Variants in ZNF106 observed in about 807,000 individuals in gnomAD.
ZNF106 encodes the protein zinc finger protein 106.
Under a neutral mutation model 195.1 loss-of-function variants are expected in ZNF106, and 67 were observed. The ratio of observed to expected loss-of-function variants is 0.34; its 90% CI spans 0.28 to 0.42. ZNF106 has a LOEUF of 0.42. Among genes scored for constraint, ZNF106 ranks in the 10% least tolerant of loss-of-function variants. ZNF106 has a pLI of 1.00. For synonymous variants in ZNF106, 784 were observed against 818.6 expected, an observed-to-expected ratio of 0.96 and a Z score of 0.72; for missense variants, 2,118 against 2,304.5, an observed-to-expected ratio of 0.92 and a Z score of 1.66.
At chr15:42,436,359 G>A (rs188880616) in intron 13 of ZNF106, among the ~76,000 whole-genome samples, 71 of 152,174 alleles carry the variant, frequency 4.7e-4, no homozygotes, top group African/African-American at 1.7e-3. Context: ...TTGATATCCT[G>A]TTCCCCTAGA....
chr15:42,435,266 A>G (rs1348072888), intron 14 of ZNF106, 118 bp downstream of exon 14: 7 of 1,401,932 alleles, frequency 5.0e-6, no homozygotes, highest in Non-Finnish European at 6.9e-6. Context: ...AACATTGTTT[A>G]GAAGCAAAAA....
chr15:42,456,610 C>T (rs1442503797), intron 4 of ZNF106, among the ~76,000 whole-genome samples: 1 of 151,496 alleles, frequency 6.6e-6, no homozygotes, highest in East Asian at 1.9e-4. Flanking sequence ...CAAGATCACA[C>T]CACTGCACTC....
intron 2 of ZNF106, among the ~76,000 whole-genome samples, chr15:42,469,423 G>A (rs559393113): frequency 3.3e-5 from 5 of 152,216 alleles, no homozygotes; most frequent in African/African-American, 1.2e-4. Flanking sequence ...GTTTTAATGT[G>A]ACTTTTGTTT....
At chr15:42,441,868 A>G (rs1362977959) in intron 10 of ZNF106, 3 of 417,070 alleles carry the variant, frequency 7.2e-6, no homozygotes, top group Non-Finnish European at 1.3e-5. Context: ...ATTAGAGGAA[A>G]TGAAAGAAAA....
chr15:42,465,735 A>C (rs2056500764), intron 3 of ZNF106, among the ~76,000 whole-genome samples: 1 of 152,226 alleles, frequency 6.6e-6, no homozygotes, highest in African/African-American at 2.4e-5. Context: ...AAAATACAAA[A>C]TGTCCTAGTT....
rs1316076797 is a variant in ZNF106 at position 42,448,405 on chromosome 15, T to A, written c.2802A>T (p.Lys934Asn). 3 of 1,614,054 alleles carry A rather than the reference T, an allele frequency of 1.9e-6. No individual in the cohort carries two copies. The highest frequency in any genetic ancestry group is 2.5e-6 in the Non-Finnish European group (3 of 1,180,042). ...AGGCAGCCCGAGGTGTCACTTCTTG[T>A]TTGAGGTGCATGGTTGCTTTCTGGC... is the stretch of plus-strand genomic sequence containing the variant. The part of the protein sequence containing the change: ...GQSQKATMHL[K>N]QEVTPRAASL... The change falls in exon 6 of 22, where the codon AAA becomes AAT. Residue 934 changes from lysine to asparagine, a missense_variant. Transcript: ENST00000564754.
Position 42,436,811 on chromosome 15 carries a change from C to T in ZNF106, c.4746+421G>A, listed in dbSNP as rs76759053. ...TCATCCCTCCTCTATTATGTAGCTG[C>T]TATGCAAGTGACCCCATTACCAACT... On this transcript the variant is annotated intron_variant, in intron 13 of 21. Transcript: ENST00000564754. Among the ~76,000 whole-genome samples the T allele has an allele frequency of 5.0e-3, 765 of 152,260 alleles. 7 individuals carry two copies. Among genetic ancestry groups the T allele is most frequent in the African/African-American group, 0.016 (649 of 41,558 alleles).
At chr15:42,459,063 T>C (rs1242945941) in intron 3 of ZNF106, among the ~76,000 whole-genome samples, 2 of 152,160 alleles carry the variant, frequency 1.3e-5, no homozygotes, top group Non-Finnish European at 2.9e-5. Flanking sequence ...TCTGACCAGG[T>C]TTCCTAAAAA....
chr15:42,458,087 C>A (rs1461708611), intron 3 of ZNF106, among the ~76,000 whole-genome samples: 3 of 152,120 alleles, frequency 2.0e-5, no homozygotes, highest in Non-Finnish European at 4.4e-5. Flanking sequence ...AACATCTGAA[C>A]ACCATAGTTA....
In ZNF106 at chr15:42,415,025, T is replaced by C. The variant is rs1029033036; in HGVS notation, c.*2279A>G. Reference sequence around the variant, plus strand: ...AAGCATCATGTAAATCTCACTAGTGTGGTTAACAAAATGGCTTTCCCCAAG... The same window carrying C: ...AAGCATCATGTAAATCTCACTAGTGCGGTTAACAAAATGGCTTTCCCCAAG... On this transcript the variant is annotated 3_prime_UTR_variant, in exon 22 of 22. Transcript: ENST00000564754. 3 of 153,960 alleles carry C rather than the reference T, an allele frequency of 1.9e-5. No individual in the cohort carries two copies. The highest frequency in any genetic ancestry group is 7.2e-5 in the African/African-American group (3 of 41,420). 9.5% of individuals were successfully genotyped at this position (153,960 alleles called of 1,614,324 possible).
At chr15:42,441,980 G>A (rs1211606476) in intron 10 of ZNF106, 93 bp downstream of exon 10, 1 of 985,684 alleles carries the variant, frequency 1.0e-6, no homozygotes, top group Non-Finnish European at 1.5e-6. Context: ...GCTCATTTTA[G>A]TTTTAATGAG....
At chr15:42,489,226 G>C (rs1477911770) in intron 1 of ZNF106, among the ~76,000 whole-genome samples, 1 of 144,062 alleles carries the variant, frequency 6.9e-6, no homozygotes, top group Non-Finnish European at 1.5e-5. Context: ...TTTCGTTTTT[G>C]GAGTACAATG....
rs777563950 is a variant in ZNF106 at position 42,435,372 on chromosome 15, G to C, written c.4881+12C>G. 6.2e-7 allele frequency: 1 copy of C among 1,614,070 alleles called. No homozygotes were observed. The highest frequency in any genetic ancestry group is 8.5e-7 in the Non-Finnish European group (1 of 1,180,008). On this transcript the variant is annotated intron_variant, in intron 14 of 21. Coordinates refer to ENST00000564754, the MANE Select transcript of ZNF106 (RefSeq NM_001366845.3). ...AATATGAACCACTTTGGATTTCTCTGGACCCACCTACCTTAACATTATAGC... is the reference window on the plus strand; with the variant it reads ...AATATGAACCACTTTGGATTTCTCTCGACCCACCTACCTTAACATTATAGC...
intron 1 of ZNF106, among the ~76,000 whole-genome samples, chr15:42,482,311 TGAG>T (rs1330403910): frequency 6.6e-6 from 1 of 152,164 alleles, no homozygotes; most frequent in Non-Finnish European, 1.5e-5. Flanking sequence ...TCATTTAGCT[TGAG>T]AATAGGTTAC....
At chr15:42,430,244 T>C (rs1484974357) in intron 14 of ZNF106, among the ~76,000 whole-genome samples, 1 of 152,074 alleles carries the variant, frequency 6.6e-6, no homozygotes, top group Admixed American at 6.5e-5. Context: ...TTTGCTAATA[T>C]TGTGAGTAAA....
chr15:42,458,481 G>C (rs967774315), intron 3 of ZNF106, among the ~76,000 whole-genome samples: 1 of 151,686 alleles, frequency 6.6e-6, no homozygotes. Context: ...AGGCCAAGGC[G>C]GGCAGATCAT....
chr15:42,421,551 C>T (rs1032901614), intron 19 of ZNF106, among the ~76,000 whole-genome samples: 10 of 152,162 alleles, frequency 6.6e-5, no homozygotes, highest in Non-Finnish European at 1.5e-4. Flanking sequence ...AGCAGGGTTA[C>T]GTGAGTTGGT....
chr15:42,436,418 C>T (rs1235850569), intron 13 of ZNF106, among the ~76,000 whole-genome samples: 3 of 152,070 alleles, frequency 2.0e-5, no homozygotes, highest in Non-Finnish European at 2.9e-5. Flanking sequence ...TTCAGTCATT[C>T]GTGTTAATCC....
intron 4 of ZNF106, among the ~76,000 whole-genome samples, chr15:42,455,729 T>C (rs2141374103): frequency 6.6e-6 from 1 of 152,298 alleles, no homozygotes; most frequent in African/African-American, 2.4e-5. Flanking sequence ...CTTTTTATAG[T>C]TAAGCCTCTG....
Sources: gnomAD v4.1 joint callset for allele counts (sites outside exome capture counted in the v4.1 genomes callset) on GRCh38, gnomAD v4.1.1 for gene constraint, MANE v1.5 for transcripts, NCBI Gene and HGNC (gene_info 2026-07-23, HGNC 2026-07-21) for gene names.